ABTB3: variants seen among roughly 807,000 people sequenced by gnomAD.
ABTB3 encodes the protein ankyrin repeat and BTB domain containing 3, also known as ankyrin repeat- and BTB/POZ domain-containing protein 3.
At chr12:107,412,569 C>A in the ABTB3 span, among the ~76,000 whole-genome samples, 1 of 152,168 alleles carries the variant, frequency 6.6e-6, no homozygotes, top group East Asian at 1.9e-4. Context: ...AAAACTGGGG[C>A]CCCAAGAGAT....
the ABTB3 span, among the ~76,000 whole-genome samples, chr12:107,381,142 C>T: frequency 6.6e-6 from 1 of 152,098 alleles, no homozygotes. Context: ...TCATCATTCT[C>T]CCTGATATTA....
the ABTB3 span, among the ~76,000 whole-genome samples, chr12:107,460,819 A>C: frequency 7.9e-5 from 12 of 152,178 alleles, no homozygotes; most frequent in Non-Finnish European, 1.5e-4. Context: ...GAAACATATT[A>C]AATAATTTTT....
the ABTB3 span, among the ~76,000 whole-genome samples, chr12:107,432,576 C>T: frequency 1.3e-5 from 2 of 152,166 alleles, no homozygotes; most frequent in Admixed American, 1.3e-4. Context: ...CAGTGCCTAG[C>T]TTCATGGCTT....
At chr12:107,444,572 T>C in the ABTB3 span, among the ~76,000 whole-genome samples, 7 of 152,154 alleles carry the variant, frequency 4.6e-5, no homozygotes, top group African/African-American at 1.4e-4. Flanking sequence ...ATGAGAAAAC[T>C]GAGATCAAGG....
the ABTB3 span, among the ~76,000 whole-genome samples, chr12:107,625,811 G>T: frequency 1.3e-5 from 2 of 152,128 alleles, no homozygotes; most frequent in Admixed American, 6.5e-5. Flanking sequence ...AAAAATCCTG[G>T]CTCCCTACTT....
chr12:107,336,076 A>G, the ABTB3 span, among the ~76,000 whole-genome samples: 3 of 152,126 alleles, frequency 2.0e-5, no homozygotes, highest in Non-Finnish European at 2.9e-5. Context: ...CCCAGGTGGC[A>G]TTGCTGATTG....
chr12:107,355,815 A>G, the ABTB3 span, among the ~76,000 whole-genome samples: 1 of 152,130 alleles, frequency 6.6e-6, no homozygotes. Context: ...TGCAACTTTA[A>G]ACAAATTATT....
At chr12:107,621,208 C>T in the ABTB3 span, among the ~76,000 whole-genome samples, 1 of 152,118 alleles carries the variant, frequency 6.6e-6, no homozygotes, top group Admixed American at 6.5e-5. Flanking sequence ...GCCCGGTGTC[C>T]CTGGGCCACC....
the ABTB3 span, among the ~76,000 whole-genome samples, chr12:107,537,228 A>C: frequency 6.6e-6 from 1 of 152,166 alleles, no homozygotes; most frequent in African/African-American, 2.4e-5. Context: ...AGAAGCCTGG[A>C]AGAGTAGCGG....
At chr12:107,609,967 C>T in the ABTB3 span, 2 of 566,922 alleles carry the variant, frequency 3.5e-6, no homozygotes, top group Admixed American at 3.0e-5. Context: ...TGTGACTTAG[C>T]TCAGTATGCT....
the ABTB3 span, among the ~76,000 whole-genome samples, chr12:107,406,058 T>C: frequency 6.6e-6 from 1 of 152,234 alleles, no homozygotes; most frequent in African/African-American, 2.4e-5. Context: ...GTTCTGGCTT[T>C]GCCACTTCTC....
chr12:107,476,850 G>A, the ABTB3 span, among the ~76,000 whole-genome samples: 1 of 152,014 alleles, frequency 6.6e-6, no homozygotes, highest in African/African-American at 2.4e-5. Flanking sequence ...CTTGTATGCT[G>A]ACTTGTGTGT....
chr12:107,432,231 G>C, the ABTB3 span, among the ~76,000 whole-genome samples: 1 of 152,140 alleles, frequency 6.6e-6, no homozygotes, highest in Non-Finnish European at 1.5e-5. Flanking sequence ...TACTGACAGT[G>C]GAAAGCCCTA....
chr12:107,339,033 A>G, the ABTB3 span, among the ~76,000 whole-genome samples: 1 of 152,132 alleles, frequency 6.6e-6, no homozygotes, highest in South Asian at 2.1e-4. Flanking sequence ...TGCTACTTGA[A>G]AGTTAGGAAG....
the ABTB3 span, among the ~76,000 whole-genome samples, chr12:107,410,393 G>A: frequency 6.6e-6 from 1 of 152,140 alleles, no homozygotes; most frequent in Non-Finnish European, 1.5e-5. Context: ...TGGGTAGAGA[G>A]GGAGAGAAGA....
At chr12:107,426,504 A>C in the ABTB3 span, among the ~76,000 whole-genome samples, 3 of 151,240 alleles carry the variant, frequency 2.0e-5, no homozygotes, top group African/African-American at 4.9e-5. Flanking sequence ...TGCTCACTCA[A>C]CCCGACTCCT....
chr12:107,533,523 A>C, the ABTB3 span, among the ~76,000 whole-genome samples: 1 of 152,340 alleles, frequency 6.6e-6, no homozygotes, highest in South Asian at 2.1e-4. Context: ...ACATAAAAAG[A>C]GACAAAGAAG....
the ABTB3 span, among the ~76,000 whole-genome samples, chr12:107,473,554 A>C: frequency 3.3e-5 from 5 of 152,212 alleles, no homozygotes; most frequent in African/African-American, 1.2e-4. Flanking sequence ...GGGTTTCACC[A>C]TGTGGGCCAG....
the ABTB3 span, among the ~76,000 whole-genome samples, chr12:107,439,456 T>A: frequency 6.6e-6 from 1 of 152,156 alleles, no homozygotes; most frequent in East Asian, 1.9e-4. Context: ...TCCCTTATAG[T>A]GAGCCTGTGT....
Sources: gnomAD v4.1 joint callset for allele counts (sites outside exome capture counted in the v4.1 genomes callset) on GRCh38, gnomAD v4.1.1 for gene constraint, MANE v1.5 for transcripts, NCBI Gene and HGNC (gene_info 2026-07-23, HGNC 2026-07-21) for gene names.